RHOF: variants seen among roughly 807,000 people sequenced by gnomAD.
RHOF encodes rho-related GTP-binding protein RhoF.
Under a neutral mutation model 22.2 loss-of-function variants are expected in RHOF, and 21 were observed. The ratio of observed to expected loss-of-function variants is 0.95; its 90% CI spans 0.67 to 1.36. RHOF has a LOEUF of 1.36. RHOF is among the 40% of genes most tolerant of loss of function. The pLI, the probability that RHOF is intolerant of heterozygous loss-of-function variation, is 0.00. For missense variants in RHOF, 285 were observed against 293.7 expected (o/e 0.97, Z 0.22); for synonymous variants, 135 against 131.2 (o/e 1.03, Z -0.20).
At chr12:121,791,971 G>A (rs1251038548) in intron 2 of RHOF, among the ~76,000 whole-genome samples, 1 of 152,248 alleles carries the variant, frequency 6.6e-6, no homozygotes, top group African/African-American at 2.4e-5. Context: ...GAATTCCTCT[G>A]ATGCCTCAGC....
chr12:121,791,906 T>G (rs1336045834), intron 2 of RHOF, among the ~76,000 whole-genome samples: 1 of 152,186 alleles, frequency 6.6e-6, no homozygotes, highest in Admixed American at 6.5e-5. Flanking sequence ...ACAGGAAACA[T>G]GAGAGTAAAG....
At chr12:121,792,022 G>C (rs1444935456) in intron 2 of RHOF, among the ~76,000 whole-genome samples, 1 of 152,242 alleles carries the variant, frequency 6.6e-6, no homozygotes, top group African/African-American at 2.4e-5. Flanking sequence ...CGCTGTTTTG[G>C]GGTTGGCCCT....
At chr12:121,779,806 C>T in intron 4 of RHOF, 144 bp from the exon 5 acceptor site, 1 of 842,724 alleles carries the variant, frequency 1.2e-6, no homozygotes, top group Non-Finnish European at 1.8e-6. Context: ...TCCTGGCTGC[C>T]CCTCACAGTG....
In RHOF at chr12:121,779,458, G is replaced by T. The variant is rs377728925; in HGVS notation, c.*40C>A. 3.8e-6 allele frequency: 6 copies of T among 1,599,526 alleles called. No homozygotes were observed. In the South Asian group the frequency reaches 6.6e-5, roughly 18 times the overall value. ...TGGTGCAATCGGCACCTGGGCCCCC[G>T]GGCCCTGTCAGTGCTGTCGTGAGGT... On this transcript the variant is annotated 3_prime_UTR_variant, in exon 5 of 5. Coordinates refer to ENST00000267205, the MANE Select transcript of RHOF (RefSeq NM_019034.3).
chr12:121,789,399 G>C (rs1490471672), intron 2 of RHOF, among the ~76,000 whole-genome samples: 2 of 152,288 alleles, frequency 1.3e-5, no homozygotes, highest in East Asian at 3.9e-4. Flanking sequence ...GCCGCACACA[G>C]GGCTATTTTC....
At chr12:121,791,269 G>A (rs1363860319) in intron 2 of RHOF, among the ~76,000 whole-genome samples, 2 of 152,170 alleles carry the variant, frequency 1.3e-5, no homozygotes, top group South Asian at 2.1e-4. Context: ...GGGATTACAG[G>A]TGCCCACCAC....
chr12:121,779,806 C>A, intron 4 of RHOF, 144 bp from the exon 5 acceptor site: 2 of 842,724 alleles, frequency 2.4e-6, no homozygotes, highest in Non-Finnish European at 1.8e-6. Context: ...TCCTGGCTGC[C>A]CCTCACAGTG....
rs141096802 is a variant in RHOF at position 121,781,095 on chromosome 12, G to A, written c.324C>T (p.Asn108=). The change falls in exon 3 of 5, where the codon AAC becomes AAT. Residue 108 remains asparagine, a synonymous_variant. Transcript: ENST00000267205. Reference sequence around the variant, plus strand: ...AGGCCGGCCTCACCTTGATGAGGACGTTGTCGTAGCTGGTGGGATTCATGA... The same window carrying A: ...AGGCCGGCCTCACCTTGATGAGGACATTGTCGTAGCTGGTGGGATTCATGA... The part of the protein sequence containing the change: ...YDVMNPTSYD[N]VLIKWFPEVT... 51 of 1,614,230 alleles carry A rather than the reference G, an allele frequency of 3.2e-5. No homozygotes were observed. In the African/African-American group the frequency reaches 4.3e-4, roughly 13 times the overall value.
Position 121,779,245 on chromosome 12 carries a change from C to A in RHOF, c.*253G>T. The A allele has an allele frequency of 1.9e-6, 1 of 539,170 alleles. No homozygotes were observed. The highest frequency in any genetic ancestry group is 3.3e-6 in the Non-Finnish European group (1 of 298,538). 33.4% of individuals were successfully genotyped at this position (539,170 alleles called of 1,614,324 possible). A position where few individuals can be genotyped will look rare whatever the true frequency, so the allele number is the denominator to read the frequency against. On this transcript the variant is annotated 3_prime_UTR_variant, in exon 5 of 5. Coordinates refer to ENST00000267205, the MANE Select transcript of RHOF (RefSeq NM_019034.3). ...GTGGTGGGGGTGGCTGTGATGAGGG[C>A]ACTTGCGAGTCCCGACAACAGACAC...
chr12:121,779,443 G>A lies in RHOF; in HGVS notation c.*55C>T, dbSNP rs796745271. 8 of 1,581,820 alleles carry A rather than the reference G, an allele frequency of 5.1e-6. No individual in the cohort carries two copies. The Middle Eastern group carries it at 5.4e-4, about 107-fold the overall frequency. ...ATGGGGCAGCCTCCCTGGTGCAATC[G>A]GCACCTGGGCCCCCGGGCCCTGTCA... On this transcript the variant is annotated 3_prime_UTR_variant, in exon 5 of 5. Coordinates refer to ENST00000267205, the MANE Select transcript of RHOF (RefSeq NM_019034.3).
intron 2 of RHOF, among the ~76,000 whole-genome samples, chr12:121,783,319 C>CG (rs1369378042): frequency 1.4e-5 from 2 of 145,824 alleles, no homozygotes; most frequent in Non-Finnish European, 1.5e-5. Context: ...CCCTATTGCC[C>CG]CCCCCCCCAC....
At position 121,779,145 on chromosome 12, in the gene RHOF, A is replaced by T. The variant is rs553786705; in HGVS notation, c.*353T>A. 25 of 261,988 alleles carry T rather than the reference A, an allele frequency of 9.5e-5. 1 individual carries two copies. The highest frequency in any genetic ancestry group is 5.0e-4 in the African/African-American group (23 of 46,302). 16.2% of individuals were successfully genotyped at this position (261,988 alleles called of 1,614,324 possible). On this transcript the variant is annotated 3_prime_UTR_variant, in exon 5 of 5. Coordinates refer to ENST00000267205, the MANE Select transcript of RHOF (RefSeq NM_019034.3). ...TGGGGCGCCCGCGTGGAACAGTGCCAGGTCTACGTTTACCCACTACCAGAT... is the reference window on the plus strand; with the variant it reads ...TGGGGCGCCCGCGTGGAACAGTGCCTGGTCTACGTTTACCCACTACCAGAT...
chr12:121,783,316 G>GCCC (rs34610572), intron 2 of RHOF, among the ~76,000 whole-genome samples: 1,386 of 117,026 alleles, frequency 0.012, 69 homozygotes, highest in African/African-American at 0.042. Flanking sequence ...GCTCCCTATT[G>GCCC]CCCCCCCCCC....
At chr12:121,783,320 C>A (rs1049916007) in intron 2 of RHOF, among the ~76,000 whole-genome samples, 3 of 146,966 alleles carry the variant, frequency 2.0e-5, no homozygotes, top group Non-Finnish European at 4.5e-5. Context: ...CCTATTGCCC[C>A]CCCCCCCACC....
At chr12:121,780,585 C>T (rs1156524538) in intron 4 of RHOF, 5 of 520,842 alleles carry the variant, frequency 9.6e-6, no homozygotes, top group Non-Finnish European at 1.7e-5. Context: ...CCACTTCTCG[C>T]TAGCTGTGTG....
intron 2 of RHOF, among the ~76,000 whole-genome samples, chr12:121,786,359 T>C (rs184126943): frequency 6.6e-6 from 1 of 152,220 alleles, no homozygotes; most frequent in African/African-American, 2.4e-5. Flanking sequence ...TCAGCCAAGG[T>C]TGTTCCACTC....
At position 121,779,550 on chromosome 12, in the gene RHOF, G is replaced by A. The variant is rs373624346; in HGVS notation, c.584C>T (p.Ala195Val). The change falls in exon 5 of 5, where the codon GCT (alanine) becomes GTT (valine). Residue 195 changes from alanine (A) to valine (V), a missense_variant. Ala to Val is a moderately conservative substitution (Grantham distance 64). Transcript: ENST00000267205. The stretch of plus-strand genomic sequence containing the variant: ...CTTCTGCCGTTGCGCCTTCTTCAGA[G>A]CGCTGAGAGCCACCTTGGCGGCCTC... The part of the protein sequence containing the change: ...FREAAKVALS[A>V]LKKAQRQKKR... The A allele has an allele frequency of 5.3e-5, 86 of 1,613,888 alleles. No individual in the cohort carries two copies. Among genetic ancestry groups the A allele is most frequent in the Non-Finnish European group, 6.8e-5 (80 of 1,180,056 alleles).
At chr12:121,784,004 C>A (rs958153923) in intron 2 of RHOF, among the ~76,000 whole-genome samples, 20 of 152,198 alleles carry the variant, frequency 1.3e-4, no homozygotes, top group African/African-American at 4.6e-4. Context: ...AAGGCACCAT[C>A]TCACTGTTTC....
chr12:121,788,732 C>T (rs577748127), intron 2 of RHOF, among the ~76,000 whole-genome samples: 1 of 152,078 alleles, frequency 6.6e-6, no homozygotes, highest in East Asian at 1.9e-4. Flanking sequence ...AACCCTCCCC[C>T]TAATCTGGAA....
Sources: allele counts gnomAD v4.1 joint callset (sites outside exome capture counted in the v4.1 genomes callset), GRCh38; gene constraint gnomAD v4.1.1; transcripts MANE v1.5; gene names NCBI Gene and HGNC (gene_info 2026-07-23, HGNC 2026-07-21).